The following NUP214 variants were observed in gnomAD, a reference collection of about 807,000 sequenced individuals.
NUP214 encodes nuclear pore complex protein Nup214.
A neutral mutation model predicts 196.2 loss-of-function variants in NUP214; 79 were observed. That is an observed-to-expected ratio of 0.40 (90% CI 0.34 to 0.49). The LOEUF (loss-of-function observed/expected upper bound fraction) is 0.49, where lower values mean the gene tolerates loss of function less well. Ranked by LOEUF, NUP214 falls within the 20% of genes least tolerant of loss-of-function variation. The probability of loss-of-function intolerance (pLI) is 0.58; values close to 1 mark genes in which losing one functional copy is unlikely to be tolerated. For missense variants in NUP214, 2,468 were observed against 2,539.0 expected, an observed-to-expected ratio of 0.97 and a Z score of 0.60; for synonymous variants, 1,020 against 990.5, an observed-to-expected ratio of 1.03 and a Z score of -0.56.
intron 30 of NUP214, among the ~76,000 whole-genome samples, chr9:131,212,707 ACTTACTC>A (rs1483464309): frequency 6.6e-6 from 1 of 152,202 alleles, no homozygotes; most frequent in Non-Finnish European, 1.5e-5. Context: ...GATCTTAAAC[ACTTACTC>A]CTTACTCCTT....
At position 131,197,679 on chromosome 9, in the gene NUP214, C is replaced by T; in HGVS notation, c.4185C>T (p.Thr1395=). The stretch of plus-strand genomic sequence containing the variant: ...CTGTGACATCCTCTGCAACCACCAC[C>T]TCAGTAGCACCACCAGCAGCCACCA... The part of the protein sequence containing the change: ...EPPVTSSATT[T]SVAPPAATST... Residue 1395 remains threonine (T), a synonymous_variant, in exon 29 of 36, where the codon ACC becomes ACT. Transcript: ENST00000359428. 3 of 1,614,238 alleles carry T rather than the reference C, an allele frequency of 1.9e-6. No individual in the cohort carries two copies. Among genetic ancestry groups the T allele is most frequent in the Non-Finnish European group, 2.5e-6 (3 of 1,180,038 alleles).
At chr9:131,153,583 A>T (rs1832338604) in intron 17 of NUP214, among the ~76,000 whole-genome samples, 1 of 152,232 alleles carries the variant, frequency 6.6e-6, no homozygotes, top group East Asian at 1.9e-4. Flanking sequence ...TGACAAACTA[A>T]GAGGAAAGCA....
rs190618224 is a variant in NUP214, at chr9:131,212,835, G to A, written c.5593-2377G>A. Among the ~76,000 whole-genome samples, 175 of 152,242 alleles carry A rather than the reference G, an allele frequency of 1.1e-3. 1 individual carries two copies. Among genetic ancestry groups the A allele is most frequent in the Non-Finnish European group, 2.0e-3 (137 of 68,022 alleles). ...TTAGTGGATGAAATGATATGTCTGAGATTTGCTCCACTGTAATAAAGGATG... is the reference window on the plus strand; with the variant it reads ...TTAGTGGATGAAATGATATGTCTGAAATTTGCTCCACTGTAATAAAGGATG... On this transcript the variant is annotated intron_variant, in intron 30 of 35. Coordinates refer to ENST00000359428, the MANE Select transcript of NUP214 (RefSeq NM_005085.4).
intron 19 of NUP214, 148 bp downstream of exon 19, chr9:131,163,321 T>G (rs1316322771): frequency 1.9e-5 from 13 of 686,480 alleles, no homozygotes; most frequent in Non-Finnish European, 3.0e-5. Context: ...TCTCTGATCC[T>G]TTGTTTCTTT....
chr9:131,214,745 A>C (rs1450523107), intron 30 of NUP214, among the ~76,000 whole-genome samples: 1 of 152,258 alleles, frequency 6.6e-6, no homozygotes, highest in African/African-American at 2.4e-5. Flanking sequence ...TCATTATGAA[A>C]TAAAAGTGCA....
intron 30 of NUP214, among the ~76,000 whole-genome samples, chr9:131,208,813 G>T (rs1395603150): frequency 1.3e-5 from 2 of 150,986 alleles, no homozygotes. Flanking sequence ...TCAAGAGATG[G>T]AGACCATCCT....
At chr9:131,231,668 A>G (rs941007878) in intron 34 of NUP214, among the ~76,000 whole-genome samples, 56 of 151,874 alleles carry the variant, frequency 3.7e-4, no homozygotes, top group Admixed American at 6.6e-4. Context: ...TTCACAAAAC[A>G]TCTTGCATTT....
Position 131,197,142 on chromosome 9 carries a change from A to G in NUP214, c.3722-74A>G. 2 of 1,558,270 alleles carry G rather than the reference A, an allele frequency of 1.3e-6. 1 individual carries two copies. The highest frequency in any genetic ancestry group is 2.5e-5 in the South Asian group (2 of 81,208). ...GGAGGAGAGAAACTTTGGCTTAGAAACACAATCAGTGGAAATGTAATGGGT... is the reference window on the plus strand; with the variant it reads ...GGAGGAGAGAAACTTTGGCTTAGAAGCACAATCAGTGGAAATGTAATGGGT... On this transcript the variant is annotated intron_variant, in intron 28 of 35. Coordinates refer to ENST00000359428, the MANE Select transcript of NUP214 (RefSeq NM_005085.4).
chr9:131,172,269 C>CATTGTGGTT (rs1417172236), intron 21 of NUP214, among the ~76,000 whole-genome samples: 1 of 152,002 alleles, frequency 6.6e-6, no homozygotes, highest in African/African-American at 2.4e-5. Flanking sequence ...GATGGTATCT[C>CATTGTGGTT]ATTGTGGTTT....
chr9:131,200,882 GAGATTCAGA>G lies in NUP214; in HGVS notation c.5522-761_5522-753del, dbSNP rs200791458. Among the ~76,000 whole-genome samples the G allele has an allele frequency of 9.5e-3, 1,450 of 151,886 alleles. 17 individuals carry two copies. The highest frequency in any genetic ancestry group is 0.033 in the African/African-American group (1,383 of 41,360). On this transcript the variant is annotated intron_variant, in intron 29 of 35. Transcript: ENST00000359428. ...CTACCCTGAAAAGAATGTGGTATCT[GAGATTCAGA>G]AGAAACCGAGGAGTAGAAATATTCA...
At position 131,125,713 on chromosome 9, in the gene NUP214, C is replaced by A; in HGVS notation, c.9C>A (p.Asp3Glu). 1.3e-6 allele frequency: 2 copies of A among 1,551,862 alleles called. No individual in the cohort carries two copies. The highest frequency in any genetic ancestry group is 1.7e-6 in the Non-Finnish European group (2 of 1,147,252). Residue 3 changes from aspartate (D) to glutamate (E), a missense_variant, in exon 1 of 36, where the codon GAC (aspartate) becomes GAA (glutamate). By Grantham distance (45) the Asp-to-Glu change is conservative. Transcript: ENST00000359428. This position sits in a 1 kb window ranked among gnomAD's most constrained non-coding sequence, Gnocchi z 4.1. ...ACACTGAGGGCGGCGCGATGGGAGA[C>A]GAGATGGATGCCATGATTCCCGAGC... Reference protein sequence around the residue: MGDEMDAMIPERE... With the variant: MGEEMDAMIPERE...
At chr9:131,212,137 C>T (rs1834261681) in intron 30 of NUP214, among the ~76,000 whole-genome samples, 1 of 152,162 alleles carries the variant, frequency 6.6e-6, no homozygotes, top group Admixed American at 6.5e-5. Context: ...AAACAAGCCC[C>T]AGTCTCCTGT....
At chr9:131,133,309 T>TTTG (rs1425663179) in intron 7 of NUP214, 100 bp downstream of exon 7, 1 of 639,040 alleles carries the variant, frequency 1.6e-6, no homozygotes, top group African/African-American at 2.0e-5. Context: ...TTTGTGTTTT[T>TTTG]TTTTTTTTTT....
At chr9:131,208,162 T>C (rs1834135209) in intron 30 of NUP214, among the ~76,000 whole-genome samples, 2 of 152,212 alleles carry the variant, frequency 1.3e-5, no homozygotes. Context: ...TATAGTTTGG[T>C]GGTTTCTCAA....
intron 24 of NUP214, among the ~76,000 whole-genome samples, chr9:131,186,702 A>G (rs1210730290): frequency 2.6e-5 from 4 of 152,230 alleles, no homozygotes; most frequent in African/African-American, 9.6e-5. Context: ...AGAGTTAACA[A>G]AAGATGATGA....
chr9:131,178,670 T>C (rs1833182318), intron 24 of NUP214, among the ~76,000 whole-genome samples: 1 of 151,826 alleles, frequency 6.6e-6, no homozygotes, highest in African/African-American at 2.4e-5. Flanking sequence ...CATGTGTAAG[T>C]CTCTGTGTGG....
Position 131,150,427 on chromosome 9 carries a change from A to C in NUP214, c.2127+17A>C, listed in dbSNP as rs1411404804. On this transcript the variant is annotated intron_variant, in intron 15 of 35. Transcript: ENST00000359428. The stretch of plus-strand genomic sequence containing the variant: ...GGGGAGGAGGTAAATTTGTTTCCTG[A>C]GGGTGTTTTTCTGAAAGTAGCTGAC... The C allele has an allele frequency of 9.3e-6, 15 of 1,613,222 alleles. No homozygotes were observed. Among genetic ancestry groups the C allele is most frequent in the Non-Finnish European group, 1.2e-5 (14 of 1,179,290 alleles).
rs1198170091 is a variant in NUP214, at chr9:131,197,798, G to A, written c.4304G>A (p.Gly1435Asp). 2.5e-6 allele frequency: 4 copies of A among 1,613,988 alleles called. No homozygotes were observed. In the South Asian group the frequency reaches 4.4e-5, roughly 18 times the overall value. The change falls in exon 29 of 36, where the codon GGC becomes GAC. Residue 1435 changes from glycine (G) to aspartate (D), a missense_variant. By Grantham distance (94) the Gly-to-Asp change is moderately conservative (BLOSUM62 -1). This residue lies in a region of NUP214 where 1,801 missense variants were observed against 1,779.4 expected (regional missense o/e 1.01). Coordinates refer to ENST00000359428, the MANE Select transcript of NUP214 (RefSeq NM_005085.4). ...ISFGGTSLSA[G>D]KTSFSFGSQQ... ...TTTGGTGGGACATCTCTAAGTGCTG[G>A]CAAGACTAGTTTTTCATTTGGAAGC...
chr9:131,230,620 T>G lies in NUP214; in HGVS notation c.6075-10T>G. On this transcript the variant is annotated splice_polypyrimidine_tract_variant and intron_variant, in intron 33 of 35. Coordinates refer to ENST00000359428, the MANE Select transcript of NUP214 (RefSeq NM_005085.4). ...CCACTGACCTCAGTCTGTTTCTCAC[T>G]GGAGCGCAGGTTTGGGAGCAGCAGC... The G allele has an allele frequency of 6.2e-7, 1 of 1,613,868 alleles. No homozygotes were observed. Among genetic ancestry groups the G allele is most frequent in the East Asian group, 2.2e-5 (1 of 44,882 alleles).
Sources: gnomAD v4.1 joint callset for allele counts (sites outside exome capture counted in the v4.1 genomes callset) on GRCh38, gnomAD v4.1.1 for gene constraint, gnomAD v4.1.1 regional missense constraint, Gnocchi (gnomAD v3.1) non-coding constraint, MANE v1.5 for transcripts, NCBI Gene and HGNC (gene_info 2026-07-23, HGNC 2026-07-21) for gene names.